SPAG6: variants seen among roughly 807,000 people sequenced by gnomAD.
The protein encoded by SPAG6 is sperm associated antigen 6.
In SPAG6, 49 loss-of-function variants were observed where a neutral mutation model predicts 58.5. The ratio of observed to expected loss-of-function variants is 0.84; its 90% confidence interval spans 0.67 to 1.06. The LOEUF (loss-of-function observed/expected upper bound fraction) is 1.06, where lower values mean the gene tolerates loss of function less well. Among genes scored for constraint, SPAG6 ranks in the 50% least tolerant of loss-of-function variants. SPAG6 has a pLI of 0.00. For synonymous variants in SPAG6, 233 were observed against 225.6 expected (o/e 1.03, Z -0.29); for missense variants, 560 against 611.3 (o/e 0.92, Z 0.89).
intron 3 of SPAG6, among the ~76,000 whole-genome samples, chr10:22,365,488 A>G (rs1837171586): frequency 6.6e-6 from 1 of 152,196 alleles, no homozygotes; most frequent in Admixed American, 6.5e-5. Flanking sequence ...TTTTTTACCA[A>G]GTTATAGGCA....
rs1834638024 is a variant in SPAG6, at chr10:22,408,879, G to A, written c.1315-2152G>A. ...GCCGATTGGAAAAGCACAGTATTTG[G>A]GTGGGAGTGACCCGATTTTCCAGGT... On this transcript the variant is annotated intron_variant, in intron 9 of 10. Transcript: ENST00000376624. Among the ~76,000 whole-genome samples, 4 of 152,174 alleles carry A rather than the reference G, an allele frequency of 2.6e-5. No individual in the cohort carries two copies. In the South Asian group the frequency reaches 8.3e-4, roughly 32 times the overall value.
chr10:22,369,648 G>A (rs1833637771), intron 4 of SPAG6, among the ~76,000 whole-genome samples: 1 of 152,126 alleles, frequency 6.6e-6, no homozygotes, highest in African/African-American at 2.4e-5. Context: ...CTGAACCTTA[G>A]CTTCCTCATC....
intron 10 of SPAG6, among the ~76,000 whole-genome samples, chr10:22,414,361 G>A (rs1160322489): frequency 3.3e-5 from 5 of 152,146 alleles, no homozygotes; most frequent in African/African-American, 4.8e-5. Context: ...GTCTTATCTG[G>A]AGGCTCATAT....
At chr10:22,360,635 T>C (rs886554261) in intron 2 of SPAG6, 1 of 157,990 alleles carries the variant, frequency 6.3e-6, no homozygotes, top group Admixed American at 6.5e-5. Context: ...GAGCAGACAA[T>C]TGTTTTATGG....
At chr10:22,355,981 A>C (rs1836854095) in intron 2 of SPAG6, among the ~76,000 whole-genome samples, 1 of 152,248 alleles carries the variant, frequency 6.6e-6, no homozygotes, top group South Asian at 2.1e-4. Flanking sequence ...AGAAATATTA[A>C]AAAATCTATT....
At chr10:22,354,274 C>T (rs1289500337) in intron 2 of SPAG6, among the ~76,000 whole-genome samples, 1 of 152,110 alleles carries the variant, frequency 6.6e-6, no homozygotes, top group Non-Finnish European at 1.5e-5. Context: ...ATCTGCAGGA[C>T]TTGGTGACTT....
chr10:22,352,386 A>T (rs192049858), intron 2 of SPAG6, among the ~76,000 whole-genome samples: 1,951 of 151,790 alleles, frequency 0.013, 33 homozygotes, highest in Admixed American at 0.035. Context: ...CCCTTTTTTT[A>T]AAAAAAATTG....
At chr10:22,399,901 A>G (rs1447130186) in intron 8 of SPAG6, among the ~76,000 whole-genome samples, 9 of 152,188 alleles carry the variant, frequency 5.9e-5, no homozygotes, top group Admixed American at 5.9e-4. Context: ...TCCAACTTAC[A>G]TTATACTACT....
At chr10:22,412,349 T>C (rs1280042070) in intron 10 of SPAG6, 1 of 628,518 alleles carries the variant, frequency 1.6e-6, no homozygotes, top group Non-Finnish European at 2.8e-6. Flanking sequence ...CTGTTTAATA[T>C]CAATGGTGTT....
At chr10:22,376,997 C>T (rs1057500028) in intron 4 of SPAG6, among the ~76,000 whole-genome samples, 12 of 151,362 alleles carry the variant, frequency 7.9e-5, no homozygotes, top group Non-Finnish European at 1.3e-4. Flanking sequence ...CAGGAGTTTC[C>T]GGCTGCAGTA....
chr10:22,360,780 G>A, intron 2 of SPAG6: 1 of 1,527,152 alleles, frequency 6.5e-7, no homozygotes, highest in Non-Finnish European at 8.8e-7. Flanking sequence ...AGATATTGTG[G>A]CAACTATTCA....
rs116726261 is a variant in SPAG6, at chr10:22,389,521, G to C, written c.1005+209G>C. 4.5e-3 allele frequency among the ~76,000 whole-genome samples: 687 copies of C among 152,258 alleles called. 5 individuals carry two copies. The highest frequency in any genetic ancestry group is 0.016 in the African/African-American group (667 of 41,562). ...TTTTACTCAGCGTTTCTCATCAACA[G>C]GATATCAACTATTTTGAGCATTAGT... On this transcript the variant is annotated intron_variant, in intron 7 of 10. Coordinates refer to ENST00000376624, the MANE Select transcript of SPAG6 (RefSeq NM_012443.4).
At chr10:22,413,066 C>CAAAAAAAAAAAA (rs775680159) in intron 10 of SPAG6, 38 of 43,252 alleles carry the variant, frequency 8.8e-4, no homozygotes, top group African/African-American at 1.5e-3. Flanking sequence ...CAGAAAGATG[C>CAAAAAAAAAAAA]AAAAAAAAAA....
chr10:22,362,298 T>C (rs1837068523), intron 2 of SPAG6, among the ~76,000 whole-genome samples: 1 of 150,750 alleles, frequency 6.6e-6, no homozygotes. Context: ...TGAAACTTAA[T>C]TGTGATTCTT....
chr10:22,381,109 G>A (rs558233056), intron 4 of SPAG6, among the ~76,000 whole-genome samples: 219 of 151,870 alleles, frequency 1.4e-3, no homozygotes, highest in African/African-American at 5.1e-3. Flanking sequence ...ATTTTCTTAC[G>A]TAACCACAAT....
chr10:22,396,628 A>G (rs1174124097), intron 8 of SPAG6, among the ~76,000 whole-genome samples: 1 of 151,874 alleles, frequency 6.6e-6, no homozygotes, highest in African/African-American at 2.4e-5. Flanking sequence ...AGTGAAAAAC[A>G]ATTGAAATTG....
intron 2 of SPAG6, among the ~76,000 whole-genome samples, chr10:22,352,973 A>G (rs1190496033): frequency 6.6e-6 from 1 of 152,208 alleles, no homozygotes; most frequent in African/African-American, 2.4e-5. Context: ...ACTCAGTTGC[A>G]GCAGCTATCT....
chr10:22,368,096 G>T (rs1475677987), intron 3 of SPAG6, among the ~76,000 whole-genome samples: 1 of 152,350 alleles, frequency 6.6e-6, no homozygotes, highest in East Asian at 1.9e-4. Context: ...GAATTAGTCA[G>T]TTGACAGTGA....
chr10:22,415,294 A>T (rs1295423896), intron 10 of SPAG6, among the ~76,000 whole-genome samples: 1 of 151,112 alleles, frequency 6.6e-6, no homozygotes, highest in African/African-American at 2.4e-5. Context: ...ATTTATTAAT[A>T]TTTAAATTAA....
Sources: gnomAD v4.1 joint callset for allele counts (sites outside exome capture counted in the v4.1 genomes callset) on GRCh38, gnomAD v4.1.1 for gene constraint, MANE v1.5 for transcripts, NCBI Gene and HGNC (gene_info 2026-07-23, HGNC 2026-07-21) for gene names.